Variants in C8orf34 observed in about 807,000 individuals in gnomAD.
C8orf34 encodes chromosome 8 open reading frame 34, also known as uncharacterized protein C8orf34.
A neutral mutation model predicts 68.3 loss-of-function variants in C8orf34; 65 were observed. The ratio of observed to expected loss-of-function variants is 0.95; its 90% CI spans 0.78 to 1.17. The LOEUF (loss-of-function observed/expected upper bound fraction) is 1.17, where lower values mean the gene tolerates loss of function less well. Ranked by LOEUF, C8orf34 falls within the 50% of genes most tolerant of loss-of-function variation. The probability of loss-of-function intolerance (pLI) is 0.00; values close to 1 mark genes in which losing one functional copy is unlikely to be tolerated. For synonymous variants in C8orf34, 244 were observed against 241.2 expected, an observed-to-expected ratio of 1.01 and a Z score of -0.11; for missense variants, 664 against 655.4, an observed-to-expected ratio of 1.01 and a Z score of -0.14.
chr8:68,672,952 T>A (rs558265025), intron 8 of C8orf34, among the ~76,000 whole-genome samples: 140 of 150,234 alleles, frequency 9.3e-4, no homozygotes, highest in Non-Finnish European at 1.5e-3. Flanking sequence ...GGATAGGGCA[T>A]TGGGTAGGGT....
At chr8:68,747,163 G>T (rs1585819971) in intron 10 of C8orf34, among the ~76,000 whole-genome samples, 1 of 152,064 alleles carries the variant, frequency 6.6e-6, no homozygotes, top group East Asian at 1.9e-4. Flanking sequence ...ATGCAGAAAA[G>T]GCCTTTGACA....
chr8:68,816,571 G>T (rs978781897), intron 13 of C8orf34, among the ~76,000 whole-genome samples: 1 of 152,066 alleles, frequency 6.6e-6, no homozygotes, highest in African/African-American at 2.4e-5. Flanking sequence ...CCTTTTCTCT[G>T]CAATACCCCT....
intron 7 of C8orf34, among the ~76,000 whole-genome samples, chr8:68,571,138 C>T (rs150422736): frequency 1.2e-4 from 19 of 152,196 alleles, no homozygotes; most frequent in Middle Eastern, 3.4e-3. Context: ...ATCTAGAACA[C>T]GCATACAGCC....
rs76549573 is a variant in C8orf34 at position 68,703,348 on chromosome 8, A to C, written c.1242-5646A>C. On this transcript the variant is annotated intron_variant, in intron 8 of 13. Transcript: ENST00000518698. Reference sequence around the variant, plus strand: ...TAGCAAGATCTCACTGGCCAGTATAAAATCAAATCTCAGTCAGTTATTTTA... The same window carrying C: ...TAGCAAGATCTCACTGGCCAGTATACAATCAAATCTCAGTCAGTTATTTTA... Among the ~76,000 whole-genome samples the C allele has an allele frequency of 5.6e-3, 858 of 152,234 alleles. 41 individuals carry two copies. In the East Asian group the frequency reaches 0.11, roughly 19 times the overall value.
chr8:68,601,608 A>T (rs1053263254), intron 7 of C8orf34, among the ~76,000 whole-genome samples: 22 of 151,942 alleles, frequency 1.4e-4, no homozygotes, highest in African/African-American at 5.3e-4. Flanking sequence ...CTCTGCTGAG[A>T]TTCATTTTAT....
chr8:68,417,880 T>G (rs1809747628), intron 1 of C8orf34, among the ~76,000 whole-genome samples: 1 of 151,850 alleles, frequency 6.6e-6, no homozygotes, highest in Admixed American at 6.6e-5. Flanking sequence ...TAAATTACCT[T>G]GGGCAGTATG....
intron 1 of C8orf34, among the ~76,000 whole-genome samples, chr8:68,416,823 G>A (rs1809691628): frequency 6.6e-6 from 1 of 152,020 alleles, no homozygotes; most frequent in African/African-American, 2.4e-5. Flanking sequence ...GATGCATCAT[G>A]CCTGACCTGA....
intron 8 of C8orf34, among the ~76,000 whole-genome samples, chr8:68,674,596 C>T (rs759320857): frequency 8.6e-5 from 13 of 151,286 alleles, no homozygotes; most frequent in South Asian, 2.1e-4. Flanking sequence ...TTTGAAAATA[C>T]GCGGTCAGAG....
intron 8 of C8orf34, among the ~76,000 whole-genome samples, chr8:68,641,663 G>T (rs1819015165): frequency 6.6e-6 from 1 of 152,208 alleles, no homozygotes; most frequent in African/African-American, 2.4e-5. Flanking sequence ...CTGGAGAGGG[G>T]TCGATGCTTG....
chr8:68,779,043 G>T (rs989281257), intron 11 of C8orf34, among the ~76,000 whole-genome samples: 1 of 151,976 alleles, frequency 6.6e-6, no homozygotes, highest in African/African-American at 2.4e-5. Flanking sequence ...CAGGCATAGT[G>T]GCACACACCT....
chr8:68,447,639 GA>G (rs1478638362), intron 3 of C8orf34: 1 of 152,164 alleles, frequency 6.6e-6, no homozygotes, highest in Non-Finnish European at 1.5e-5. Flanking sequence ...GAAAATGTTT[GA>G]AAAACCACTA....
At chr8:68,703,954 T>G (rs1821093368) in intron 8 of C8orf34, among the ~76,000 whole-genome samples, 1 of 152,164 alleles carries the variant, frequency 6.6e-6, no homozygotes, top group South Asian at 2.1e-4. Flanking sequence ...TAATTATAAG[T>G]ATACTATAGT....
rs901747150 is a variant in C8orf34 at position 68,780,090 on chromosome 8, G to A, written c.1455+3641G>A. Among the ~76,000 whole-genome samples the A allele has an allele frequency of 3.3e-5, 5 of 152,042 alleles. No individual in the cohort carries two copies. The South Asian group carries it at 6.2e-4, about 19-fold the overall frequency. On this transcript the variant is annotated intron_variant, in intron 11 of 13. Coordinates refer to ENST00000518698, the MANE Select transcript of C8orf34 (RefSeq NM_052958.4). ...GCTGAAATGACATTATAAATCGATG[G>A]AAAAATTGGCAAATTTAATCACTAT...
At chr8:68,792,571 C>CAAAAAA (rs1162293308) in intron 12 of C8orf34, 69 of 42,286 alleles carry the variant, frequency 1.6e-3, no homozygotes, top group Non-Finnish European at 2.0e-3. Flanking sequence ...GACTCCATCT[C>CAAAAAA]AAAAAAAAAA....
At chr8:68,637,811 C>T (rs1055079285) in intron 7 of C8orf34, among the ~76,000 whole-genome samples, 2 of 151,978 alleles carry the variant, frequency 1.3e-5, no homozygotes, top group Non-Finnish European at 2.9e-5. Flanking sequence ...GGCTTTAATT[C>T]CCTGTGGTCT....
intron 10 of C8orf34, 70 bp downstream of exon 10, chr8:68,721,507 A>T: frequency 2.0e-6 from 2 of 981,388 alleles, no homozygotes; most frequent in Admixed American, 2.1e-5. Flanking sequence ...GGTAAATCTA[A>T]ATAAAATATA....
intron 7 of C8orf34, among the ~76,000 whole-genome samples, chr8:68,567,412 G>A (rs2130230777): frequency 6.6e-6 from 1 of 152,008 alleles, no homozygotes; most frequent in African/African-American, 2.4e-5. Flanking sequence ...TGTGTGCAAA[G>A]GAGTTCATGG....
Position 68,439,585 on chromosome 8 carries a change from T to G in C8orf34, c.414T>G (p.Arg138=), listed in dbSNP as rs767654979. The change falls in exon 2 of 14, where the codon CGT becomes CGG. Residue 138 remains arginine (R), a synonymous_variant. Coordinates refer to ENST00000518698, the MANE Select transcript of C8orf34 (RefSeq NM_052958.4). ...IDHLQSKQGN[R]GQLQRTLSGS... is the part of the protein sequence containing the mutation. ...ATCTTCAGTCTAAACAAGGGAACCG[T>G]GGACAACTTCAAAGAACTTTGTCTG... 7 of 1,613,750 alleles carry G rather than the reference T, an allele frequency of 4.3e-6. No individual in the cohort carries two copies. In the South Asian group the frequency reaches 7.7e-5, roughly 18 times the overall value.
intron 1 of C8orf34, among the ~76,000 whole-genome samples, chr8:68,394,279 C>T (rs2129620892): frequency 6.9e-6 from 1 of 144,090 alleles, no homozygotes; most frequent in Admixed American, 7.2e-5. Context: ...TGATGTTCCC[C>T]TTCCTGTGTC....
Sources: gnomAD v4.1 joint callset for allele counts (sites outside exome capture counted in the v4.1 genomes callset) on GRCh38, gnomAD v4.1.1 for gene constraint, MANE v1.5 for transcripts, NCBI Gene and HGNC (gene_info 2026-07-23, HGNC 2026-07-21) for gene names.